The following BEND2 variants were observed in gnomAD, a reference collection of about 807,000 sequenced individuals.
The protein encoded by BEND2 is BEN domain containing 2.
BEND2 carries 19 observed loss-of-function variants against 43.8 expected under a neutral mutation model. The observed-to-expected ratio is 0.43, with a 90% confidence interval of 0.30 to 0.64. BEND2 has a LOEUF of 0.64. Among genes scored for constraint, BEND2 ranks in the 30% least tolerant of loss-of-function variants. The pLI is 0.11. For synonymous variants in BEND2, 226 were observed against 210.1 expected, an observed-to-expected ratio of 1.08 and a Z score of -0.66; for missense variants, 544 against 574.0, an observed-to-expected ratio of 0.95 and a Z score of 0.53.
chrX:18,182,875 C>T (rs1216371463), intron 8 of BEND2, among the ~76,000 whole-genome samples: 1 of 109,394 alleles, frequency 9.1e-6, no homozygotes, highest in Non-Finnish European at 1.9e-5. Context: ...AACCCCGTCT[C>T]TACTAAAAAT....
At chrX:18,220,591 C>T (rs966037431) in intron 1 of BEND2, 135 bp downstream of exon 1, 5 of 931,920 alleles carry the variant, frequency 5.4e-6, no homozygotes, top group Non-Finnish European at 6.0e-6. Context: ...ACCCAGAGGC[C>T]GCCCCCCGAC....
At chrX:18,174,871 G>C (rs910907176) in intron 11 of BEND2, among the ~76,000 whole-genome samples, 1 of 110,531 alleles carries the variant, frequency 9.0e-6, no homozygotes, top group Non-Finnish European at 1.9e-5. Context: ...TTGGGGACGG[G>C]GGTTGGGGAG....
intron 4 of BEND2, among the ~76,000 whole-genome samples, chrX:18,207,680 G>C (rs1925379718): frequency 8.9e-6 from 1 of 112,210 alleles, no homozygotes; most frequent in Non-Finnish European, 1.9e-5. Context: ...GTATCACAAT[G>C]AGATGATAAT....
In BEND2 at chrX:18,176,027, A is replaced by G; in HGVS notation, c.1697T>C (p.Ile566Thr). ...HEHGKDWQDC[I>T]SGINSMIYCL... ...GTAGATCATAGAATTGATACCAGAA[A>G]TACAGTCCTGCCAGTCTTTTCCATG... Residue 566 changes from isoleucine (I) to threonine (T), a missense_variant, in exon 11 of 14, where the codon ATT becomes ACT. Transcript: ENST00000380033. 8.3e-7 allele frequency: 1 copy of G among 1,201,105 alleles called. No individual in the cohort carries two copies. Among genetic ancestry groups the G allele is most frequent in the Non-Finnish European group, 1.1e-6 (1 of 888,782 alleles).
At chrX:18,211,304 T>G (rs7878022) in intron 4 of BEND2, among the ~76,000 whole-genome samples, 1 of 111,997 alleles carries the variant, frequency 8.9e-6, no homozygotes, top group African/African-American at 3.3e-5. Flanking sequence ...TAAAACAGTA[T>G]GACCACTTAG....
chrX:18,202,356 C>T (rs1925194154), intron 5 of BEND2, among the ~76,000 whole-genome samples: 1 of 112,234 alleles, frequency 8.9e-6, no homozygotes, highest in South Asian at 3.7e-4. Flanking sequence ...TTATCAATTA[C>T]TATGGTTTGA....
chrX:18,176,232 C>T (rs1345406311), intron 10 of BEND2, 139 bp from the exon 11 acceptor site: 7 of 452,109 alleles, frequency 1.5e-5, no homozygotes, highest in African/African-American at 2.6e-5. Context: ...TCTCTTTCTA[C>T]TTCTCATCCT....
chrX:18,200,181 C>G (rs1925095013), intron 6 of BEND2, among the ~76,000 whole-genome samples: 1 of 111,503 alleles, frequency 9.0e-6, no homozygotes, highest in South Asian at 3.7e-4. Context: ...TGTGGCATAG[C>G]CATACTATGA....
At chrX:18,186,031 G>T (rs1924558451) in intron 8 of BEND2, among the ~76,000 whole-genome samples, 1 of 111,798 alleles carries the variant, frequency 8.9e-6, no homozygotes, top group South Asian at 3.7e-4. Context: ...ATCATCTGAA[G>T]GTATAAAACT....
rs1924762069 is a variant in BEND2, at chrX:18,191,251, A to T, written c.1181-143T>A. ...ACATTCTCAGACAAAGAAAAACTTTAAAAAACGGTGACTGGCTGACTTACC... is the reference window on the plus strand; with the variant it reads ...ACATTCTCAGACAAAGAAAAACTTTTAAAAACGGTGACTGGCTGACTTACC... On this transcript the variant is annotated intron_variant, in intron 7 of 13. Coordinates refer to ENST00000380033, the MANE Select transcript of BEND2 (RefSeq NM_153346.5). 2.7e-5 allele frequency: 12 copies of T among 451,389 alleles called. No individual in the cohort carries two copies. The East Asian group carries it at 4.5e-4, about 17-fold the overall frequency. The allele number at this position is 451,389 out of a possible 1,213,427, so 37.2% of individuals were successfully genotyped here.
At chrX:18,201,418 C>A (rs202055694) in intron 6 of BEND2, among the ~76,000 whole-genome samples, 9,672 of 50,003 alleles carry the variant, frequency 0.19, 780 homozygotes, top group African/African-American at 0.24. Flanking sequence ...AAAAAAAAAA[C>A]AAAAAAAAAA....
At chrX:18,212,839 A>G (rs1363499435) in intron 3 of BEND2, among the ~76,000 whole-genome samples, 159 bp from the exon 4 acceptor site, 1 of 112,517 alleles carries the variant, frequency 8.9e-6, no homozygotes, top group Admixed American at 9.4e-5. Flanking sequence ...TAGAGTAACT[A>G]TTTTAAAACT....
rs1923772069 is a variant in BEND2 at position 18,164,542 on chromosome X, A to C, written c.*467T>G. On this transcript the variant is annotated 3_prime_UTR_variant, in exon 14 of 14. Coordinates refer to ENST00000380033, the MANE Select transcript of BEND2 (RefSeq NM_153346.5). ...ATACTCTAAAAGTTGAATTTTGAAAAGATAACTTTGAAAATATGTATTCAT... is the reference window on the plus strand; with the variant it reads ...ATACTCTAAAAGTTGAATTTTGAAACGATAACTTTGAAAATATGTATTCAT... The C allele has an allele frequency of 8.9e-6, 1 of 112,648 alleles. No homozygotes were observed. The highest frequency in any genetic ancestry group is 3.2e-5 in the African/African-American group (1 of 30,880). 9.3% of individuals were successfully genotyped at this position (112,648 alleles called of 1,213,427 possible).
chrX:18,164,695 T>C lies in BEND2; in HGVS notation c.*314A>G, dbSNP rs1000189734. 5 of 179,127 alleles carry C rather than the reference T, an allele frequency of 2.8e-5. No homozygotes were observed. The Admixed American group carries it at 3.1e-4, about 11-fold the overall frequency. 14.8% of individuals were successfully genotyped at this position (179,127 alleles called of 1,213,427 possible). On this transcript the variant is annotated 3_prime_UTR_variant, in exon 14 of 14. Coordinates refer to ENST00000380033, the MANE Select transcript of BEND2 (RefSeq NM_153346.5). ...CTCCTTACTTTCTATTGAATTTCTT[T>C]CTCTACCTTATCAAAAAAACAAAGT...
In BEND2 at chrX:18,203,738, C is replaced by T. The variant is rs202002797; in HGVS notation, c.670G>A (p.Gly224Ser). The T allele has an allele frequency of 7.8e-5, 94 of 1,209,800 alleles. No individual in the cohort carries two copies. In the East Asian group the frequency reaches 2.6e-3, roughly 34 times the overall value. ...ATACCGAAACAAGGAAATGAGCCAC[C>T]TTGTGCGACATACTGCTGTAATGAA... ...SSSLQQYVAQ[G>S]GSFPCFGMPW... Residue 224 changes from glycine (G) to serine (S), a missense_variant, in exon 5 of 14, where the codon GGT (glycine) becomes AGT (serine). Gly to Ser is a moderately conservative substitution (Grantham distance 56, BLOSUM62 0). This residue lies in a region of BEND2 where 501 missense variants were observed against 501.6 expected (regional missense o/e 1.00). Coordinates refer to ENST00000380033, the MANE Select transcript of BEND2 (RefSeq NM_153346.5).
rs753955004 is a variant in BEND2, at chrX:18,177,668, G to A, written c.1531C>T (p.Arg511Cys). 5.0e-5 allele frequency: 60 copies of A among 1,208,339 alleles called. No individual in the cohort carries two copies. The highest frequency in any genetic ancestry group is 4.6e-4 in the Middle Eastern group (2 of 4,373). Reference protein sequence around the residue: ...KPKQAACYLVRILFSKEILIS... With the variant: ...KPKQAACYLVCILFSKEILIS... ...AGGATTTCCTTGGAGAACAAAATAC[G>A]AACCAAGTAGCAGGCTGCTTGCTTA... The change falls in exon 10 of 14, where the codon CGT (arginine) becomes TGT (cysteine). Residue 511 changes from arginine (R) to cysteine (C), a missense_variant. By Grantham distance (180) the Arg-to-Cys change is radical. This residue lies in a region of BEND2 where 501 missense variants were observed against 501.6 expected (regional missense o/e 1.00). Transcript: ENST00000380033.
chrX:18,207,096 A>G (rs941395373), intron 4 of BEND2, among the ~76,000 whole-genome samples: 5 of 110,488 alleles, frequency 4.5e-5, no homozygotes, highest in African/African-American at 1.6e-4. Flanking sequence ...GAGGTAGGCT[A>G]GGGAGAACCT....
chrX:18,176,553 C>G (rs990379914), intron 10 of BEND2, among the ~76,000 whole-genome samples: 3 of 108,666 alleles, frequency 2.8e-5, no homozygotes, highest in Admixed American at 2.0e-4. Flanking sequence ...GTGGCATGCA[C>G]CTGTGGGCCT....
At chrX:18,201,396 C>CAAAAAAAAAAAAAAAAAAAAAA (rs1227049211) in intron 6 of BEND2, among the ~76,000 whole-genome samples, 1 of 20,626 alleles carries the variant, frequency 4.8e-5, no homozygotes, top group Non-Finnish European at 6.6e-5. Context: ...AACTCCATCT[C>CAAAAAAAAAAAAAAAAAAAAAA]AAAAAAAAAA....
Sources: allele counts gnomAD v4.1 joint callset (sites outside exome capture counted in the v4.1 genomes callset), GRCh38; gene constraint gnomAD v4.1.1; regional missense constraint gnomAD v4.1.1; transcripts MANE v1.5; gene names NCBI Gene and HGNC (gene_info 2026-07-23, HGNC 2026-07-21).